The following SEPTIN7 variants were observed in gnomAD, a reference collection of about 807,000 sequenced individuals.
SEPTIN7 encodes septin-7.
A neutral mutation model predicts 63.3 loss-of-function variants in SEPTIN7; 10 were observed. The ratio of observed to expected loss-of-function variants is 0.16; its 90% CI spans 0.10 to 0.27. The LOEUF is 0.27. Ranked by LOEUF, SEPTIN7 falls within the 10% of genes least tolerant of loss-of-function variation. The pLI, the probability that SEPTIN7 is intolerant of heterozygous loss-of-function variation, is 1.00. For missense variants in SEPTIN7, 310 were observed against 521.0 expected, an observed-to-expected ratio of 0.59 and a Z score of 3.94; for synonymous variants, 131 against 165.3, an observed-to-expected ratio of 0.79 and a Z score of 1.59.
At chr7:35,844,397 T>G (rs1001417247) in intron 3 of SEPTIN7, among the ~76,000 whole-genome samples, 8 of 152,354 alleles carry the variant, frequency 5.3e-5, no homozygotes, top group African/African-American at 1.9e-4. Context: ...TTATTCATGT[T>G]TTTGACTTAT....
chr7:35,801,061 G>C lies in SEPTIN7; in HGVS notation c.-149G>C, dbSNP rs1347803933. The C allele has an allele frequency of 1.2e-5, 6 of 520,334 alleles. No individual in the cohort carries two copies. The highest frequency in any genetic ancestry group is 6.0e-5 in the African/African-American group (3 of 49,808). The allele number at this position is 520,334 out of a possible 1,614,324, so 32.2% of individuals were successfully genotyped here. A position where few individuals can be genotyped will look rare whatever the true frequency, so the allele number is the denominator to read the frequency against. On this transcript the variant is annotated 5_prime_UTR_variant, in exon 1 of 14. Transcript: ENST00000350320. ...GGGGACGGAGGAGGGAGCGGGAGTC[G>C]AGCGAGAGCCTGTGGAGGAGTCCGC...
At chr7:35,881,744 G>T (rs1434013730) in intron 7 of SEPTIN7, among the ~76,000 whole-genome samples, 2 of 151,808 alleles carry the variant, frequency 1.3e-5, no homozygotes, top group African/African-American at 4.8e-5. Context: ...GTTCAAATAA[G>T]GATAGGTAGT....
At chr7:35,824,312 C>T (rs1783395144) in intron 1 of SEPTIN7, among the ~76,000 whole-genome samples, 1 of 152,090 alleles carries the variant, frequency 6.6e-6, no homozygotes, top group East Asian at 1.9e-4. Flanking sequence ...CTTTGAAATG[C>T]TTCTGGGAAC....
intron 1 of SEPTIN7, among the ~76,000 whole-genome samples, chr7:35,828,833 T>G (rs991673915): frequency 3.9e-5 from 6 of 152,178 alleles, no homozygotes; most frequent in African/African-American, 7.2e-5. Context: ...TGATCACAGC[T>G]CACTGAAGCC....
intron 6 of SEPTIN7, among the ~76,000 whole-genome samples, chr7:35,877,179 A>T (rs549400518): frequency 6.6e-6 from 1 of 151,960 alleles, no homozygotes; most frequent in South Asian, 2.1e-4. Flanking sequence ...CAGTTTACAG[A>T]TAATATAAAC....
intron 3 of SEPTIN7, among the ~76,000 whole-genome samples, chr7:35,839,296 C>T (rs1329320883): frequency 1.3e-5 from 2 of 152,128 alleles, no homozygotes; most frequent in Admixed American, 6.5e-5. Context: ...CTGTGTTTAT[C>T]TTCCATATTT....
chr7:35,801,322 G>A (rs1448438248), intron 1 of SEPTIN7, 52 bp downstream of exon 1: 5 of 1,511,872 alleles, frequency 3.3e-6, no homozygotes, highest in Admixed American at 2.2e-5. Flanking sequence ...TCCGAATGCC[G>A]GGAAGCTCTG....
At chr7:35,912,816 A>G in the SEPTIN7 span, among the ~76,000 whole-genome samples, 3 of 152,284 alleles carry the variant, frequency 2.0e-5, no homozygotes, top group Non-Finnish European at 4.4e-5. Flanking sequence ...AGATGGAATT[A>G]ATAATAGTAC....
intron 4 of SEPTIN7, among the ~76,000 whole-genome samples, chr7:35,867,642 G>A (rs986121704): frequency 2.6e-5 from 4 of 152,018 alleles, no homozygotes; most frequent in Admixed American, 2.0e-4. Flanking sequence ...GAGCCACCAC[G>A]CCTGGCCTGC....
chr7:35,809,004 A>G (rs375481707), intron 1 of SEPTIN7, among the ~76,000 whole-genome samples: 34 of 152,344 alleles, frequency 2.2e-4, no homozygotes, highest in Middle Eastern at 3.4e-3. Flanking sequence ...AAGTTGTAGT[A>G]TTGACATTGT....
At chr7:35,896,449 C>G (rs2116362729) in intron 11 of SEPTIN7, among the ~76,000 whole-genome samples, 1 of 152,204 alleles carries the variant, frequency 6.6e-6, no homozygotes, top group East Asian at 1.9e-4. Context: ...GAAAATCTAA[C>G]AAAAGCTTTG....
chr7:35,903,344 T>C lies in SEPTIN7; in HGVS notation c.1274+129T>C, dbSNP rs2727857. 2.3e-5 allele frequency: 31 copies of C among 1,368,064 alleles called. No homozygotes were observed. The South Asian group carries it at 3.4e-4, about 15-fold the overall frequency. 84.7% of individuals were successfully genotyped at this position (1,368,064 alleles called of 1,614,324 possible). A position where few individuals can be genotyped will look rare whatever the true frequency, so the allele number is the denominator to read the frequency against. On this transcript the variant is annotated intron_variant, in intron 13 of 13. Transcript: ENST00000350320. ...CCATTATCATGCATTCCAAACACAA[T>C]GGTTTTCATAGATAAATATTTTTAT...
At chr7:35,823,782 A>G (rs1241717494) in intron 1 of SEPTIN7, among the ~76,000 whole-genome samples, 11 of 152,170 alleles carry the variant, frequency 7.2e-5, no homozygotes, top group Non-Finnish European at 1.0e-4. Flanking sequence ...GATGGCTGTT[A>G]CGTATTCCTA....
chr7:35,896,871 A>G (rs1787987624), intron 11 of SEPTIN7, among the ~76,000 whole-genome samples: 1 of 152,250 alleles, frequency 6.6e-6, no homozygotes, highest in South Asian at 2.1e-4. Context: ...CTTAATTCAT[A>G]GCATTATATC....
intron 3 of SEPTIN7, among the ~76,000 whole-genome samples, chr7:35,840,508 C>A (rs1784359611): frequency 6.6e-6 from 1 of 151,724 alleles, no homozygotes; most frequent in African/African-American, 2.4e-5. Flanking sequence ...GAACTCCTGG[C>A]CTAAAGCAGT....
intron 1 of SEPTIN7, among the ~76,000 whole-genome samples, chr7:35,816,249 C>G (rs1789054581): frequency 6.6e-6 from 1 of 152,154 alleles, no homozygotes; most frequent in African/African-American, 2.4e-5. Flanking sequence ...CTTCTCTTCC[C>G]TTGTCCTGGC....
chr7:35,805,173 C>T (rs575332618), intron 1 of SEPTIN7, among the ~76,000 whole-genome samples: 13 of 152,196 alleles, frequency 8.5e-5, no homozygotes, highest in Non-Finnish European at 1.3e-4. Flanking sequence ...TGAGCCATCA[C>T]GCCCGGCCAA....
rs74662416 is a variant in SEPTIN7 at position 35,866,201 on chromosome 7, C to G, written c.276+2543C>G. ...ATACTGGAAACCAGTTGAAGATCAT[C>G]TAAACTCTTTTGCCCACTTACTCAG... On this transcript the variant is annotated intron_variant, in intron 4 of 13. Coordinates refer to ENST00000350320, the MANE Select transcript of SEPTIN7 (RefSeq NM_001788.6). 1.4e-4 allele frequency among the ~76,000 whole-genome samples: 22 copies of G among 152,296 alleles called. No individual in the cohort carries two copies. The East Asian group carries it at 4.2e-3, about 29-fold the overall frequency.
chr7:35,834,411 A>G (rs972608057), intron 3 of SEPTIN7, among the ~76,000 whole-genome samples: 1 of 152,004 alleles, frequency 6.6e-6, no homozygotes, highest in Non-Finnish European at 1.5e-5. Flanking sequence ...TCAAATAATC[A>G]TCTGATTTTG....
Sources: allele counts gnomAD v4.1 joint callset (sites outside exome capture counted in the v4.1 genomes callset), GRCh38; gene constraint gnomAD v4.1.1; transcripts MANE v1.5; gene names NCBI Gene and HGNC (gene_info 2026-07-23, HGNC 2026-07-21).